CEACAM21: variants seen among roughly 807,000 people sequenced by gnomAD.
CEACAM21 encodes the protein CEA cell adhesion molecule 21.
A neutral mutation model predicts 33.2 loss-of-function variants in CEACAM21; 38 were observed. That is an observed-to-expected ratio of 1.14 (90% CI 0.88 to 1.50). The LOEUF (loss-of-function observed/expected upper bound fraction) is 1.50, where lower values mean the gene tolerates loss of function less well. Ranked by LOEUF, CEACAM21 falls within the 40% of genes most tolerant of loss-of-function variation. The probability of loss-of-function intolerance (pLI) is 0.00; values close to 1 mark genes in which losing one functional copy is unlikely to be tolerated. For synonymous variants in CEACAM21, 156 were observed against 143.0 expected, an observed-to-expected ratio of 1.09 and a Z score of -0.65; for missense variants, 385 against 364.6, an observed-to-expected ratio of 1.06 and a Z score of -0.46.
chr19:41,582,337 C>A (rs2043463479), intron 3 of CEACAM21, among the ~76,000 whole-genome samples: 1 of 152,232 alleles, frequency 6.6e-6, no homozygotes. Flanking sequence ...GTGTCTGCAG[C>A]TTTTCTAGGT....
intron 4 of CEACAM21, 40 bp downstream of exon 4, chr19:41,584,483 C>T (rs1555794573): frequency 1.3e-6 from 2 of 1,548,034 alleles, no homozygotes; most frequent in African/African-American, 2.7e-5. Context: ...ATCCTTCACG[C>T]TGACCCCAGG....
intron 4 of CEACAM21, 32 bp from the exon 5 acceptor site, chr19:41,585,411 G>A: frequency 1.2e-6 from 2 of 1,612,560 alleles, no homozygotes; most frequent in African/African-American, 2.7e-5. Flanking sequence ...TTTTAACCTT[G>A]CACCTTCACA....
upstream of CEACAM21, among the ~76,000 whole-genome samples, chr19:41,575,865 G>A (rs782155984): frequency 5.9e-5 from 9 of 152,188 alleles, no homozygotes; most frequent in Non-Finnish European, 1.3e-4. Context: ...AGAGCATGAG[G>A]AGACCCAGGG....
rs1600305063 is a variant in CEACAM21, at chr19:41,586,044, C to T, written c.*173C>T. On this transcript the variant is annotated intron_variant, in intron 6 of 6. Transcript: ENST00000401445. ...CTGTTCAGGGCCAGGATCATCCACT[C>T]CCTGTGCTAACCCCACCCTGGGACC... The T allele has an allele frequency of 7.3e-6, 5 of 685,562 alleles. No homozygotes were observed. In the East Asian group the frequency reaches 8.1e-5, roughly 11 times the overall value. 42.5% of individuals were successfully genotyped at this position (685,562 alleles called of 1,614,324 possible).
At position 41,585,412 on chromosome 19, in the gene CEACAM21, C is replaced by A. The variant is rs113019659; in HGVS notation, c.798-31C>A. The A allele has an allele frequency of 1.7e-5, 27 of 1,612,690 alleles. 1 individual carries two copies. The African/African-American group carries it at 1.9e-4, about 11-fold the overall frequency. On this transcript the variant is annotated intron_variant, in intron 4 of 6. Coordinates refer to ENST00000401445, the MANE Select transcript of CEACAM21 (RefSeq NM_001098506.4). ...CTCCAATTTGTGACTTTTAACCTTGCACCTTCACAAATAACCCTGACCTTT... is the reference window on the plus strand; with the variant it reads ...CTCCAATTTGTGACTTTTAACCTTGAACCTTCACAAATAACCCTGACCTTT...
intron 3 of CEACAM21, 34 bp downstream of exon 3, chr19:41,579,662 T>C: frequency 7.1e-7 from 1 of 1,413,098 alleles, no homozygotes; most frequent in Non-Finnish European, 9.6e-7. Context: ...ACTCCTTTCC[T>C]TGTATATTTT....
chr19:41,559,305 A>G (rs1339000893), intron 1 of CEACAM21, among the ~76,000 whole-genome samples: 1 of 152,244 alleles, frequency 6.6e-6, no homozygotes, highest in Non-Finnish European at 1.5e-5. Flanking sequence ...TAGAAACAAC[A>G]TTTCAAATAA....
At chr19:41,551,738 A>T (rs2041218856) in intron 1 of CEACAM21, 1 of 152,198 alleles carries the variant, frequency 6.6e-6, no homozygotes, top group African/African-American at 2.4e-5. Flanking sequence ...CTCAAGGGGC[A>T]TTTCCTAATT....
Position 41,579,537 on chromosome 19 carries a change from C to A in CEACAM21, c.609C>A (p.Pro203=), listed in dbSNP as rs1409069320. The change falls in exon 3 of 7, where the codon CCC becomes CCA. Residue 203 remains proline, a synonymous_variant. Coordinates refer to ENST00000401445, the MANE Select transcript of CEACAM21 (RefSeq NM_001098506.4). ...TTAACCATGTGCTCACCATAGACCC[C>A]ATCAGGCAGGAGGACGCTGGGGAGT... is the stretch of plus-strand genomic sequence containing the variant. ...SWFNHVLTID[P]IRQEDAGEYQ... is the part of the protein sequence containing the mutation. 4 of 1,612,676 alleles carry A rather than the reference C, an allele frequency of 2.5e-6. No individual in the cohort carries two copies. In the Admixed American group the frequency reaches 6.7e-5, roughly 27 times the overall value.
At chr19:41,565,511 G>A (rs563513590) in intron 2 of CEACAM21, 2 of 153,372 alleles carry the variant, frequency 1.3e-5, no homozygotes, top group Non-Finnish European at 2.9e-5. Context: ...AGGGCCCTGC[G>A]GGAGATTTAC....
chr19:41,560,037 A>T (rs1262458841), intron 1 of CEACAM21, among the ~76,000 whole-genome samples: 1 of 152,198 alleles, frequency 6.6e-6, no homozygotes, highest in South Asian at 2.1e-4. Flanking sequence ...GAGTAGCCCT[A>T]TCAACCAATA....
At chr19:41,575,503 T>C (rs1470600353), upstream of CEACAM21, among the ~76,000 whole-genome samples, 3 of 152,080 alleles carry the variant, frequency 2.0e-5, no homozygotes, top group African/African-American at 4.8e-5. Flanking sequence ...CCACAAAATA[T>C]ATGTATTTGC....
At chr19:41,576,924 A>G (rs1555791264) in intron 1 of CEACAM21, among the ~76,000 whole-genome samples, 1 of 152,204 alleles carries the variant, frequency 6.6e-6, no homozygotes, top group African/African-American at 2.4e-5. Flanking sequence ...AGGCTTCACG[A>G]AAGAAGTCTC....
chr19:41,551,894 C>T (rs529332527), intron 1 of CEACAM21: 8 of 152,106 alleles, frequency 5.3e-5, no homozygotes, highest in Admixed American at 2.0e-4. Flanking sequence ...GAAGCTCTAC[C>T]GCCAGGCAGG....
chr19:41,572,829 C>T (rs1056018498), upstream of CEACAM21, among the ~76,000 whole-genome samples: 4 of 152,174 alleles, frequency 2.6e-5, no homozygotes, highest in Middle Eastern at 3.2e-3. Context: ...TGCTTTCTCA[C>T]GAGGTGGTTC....
rs1029899541 is a variant in CEACAM21 at position 41,586,647 on chromosome 19, C to G, written c.*184C>G. ...ACCAGCTCTGAGTCCTGAGGAGACA[C>G]AGGCCTGGGGACAGGAAGGGATGGG... On this transcript the variant is annotated 3_prime_UTR_variant, in exon 7 of 7. Coordinates refer to ENST00000401445, the MANE Select transcript of CEACAM21 (RefSeq NM_001098506.4). 1 of 534,786 alleles carries G rather than the reference C, an allele frequency of 1.9e-6. No individual in the cohort carries two copies. The highest frequency in any genetic ancestry group is 1.9e-5 in the African/African-American group (1 of 51,664). 33.1% of individuals were successfully genotyped at this position (534,786 alleles called of 1,614,324 possible).
intron 5 of CEACAM21, 24 bp downstream of exon 5, chr19:41,585,519 G>A (rs2070668585): frequency 6.2e-7 from 1 of 1,613,350 alleles, no homozygotes; most frequent in East Asian, 2.2e-5. Flanking sequence ...CAGTCTGGGT[G>A]TGGCTGGGAA....
At chr19:41,559,112 G>A (rs1252527902) in intron 1 of CEACAM21, among the ~76,000 whole-genome samples, 3 of 152,166 alleles carry the variant, frequency 2.0e-5, no homozygotes, top group Admixed American at 6.5e-5. Context: ...TGATCTAACA[G>A]ATTTATGTAT....
chr19:41,570,884 G>C (rs2042563017), intron 2 of CEACAM21, among the ~76,000 whole-genome samples: 2 of 152,182 alleles, frequency 1.3e-5, no homozygotes, highest in African/African-American at 4.8e-5. Flanking sequence ...TAAGGGGTGA[G>C]TTCAGGTGGA....
Sources: gnomAD v4.1 joint callset for allele counts (sites outside exome capture counted in the v4.1 genomes callset) on GRCh38, gnomAD v4.1.1 for gene constraint, MANE v1.5 for transcripts, NCBI Gene and HGNC (gene_info 2026-07-23, HGNC 2026-07-21) for gene names.